RGS7: variants seen among roughly 807,000 people sequenced by gnomAD.
RGS7 encodes the protein regulator of G protein signaling 7, also known as regulator of G-protein signaling 7.
A neutral mutation model predicts 81.1 loss-of-function variants in RGS7; 27 were observed. That is an observed-to-expected ratio of 0.33 (90% CI 0.25 to 0.46). The LOEUF is 0.46. Ranked by LOEUF, RGS7 falls within the 20% of genes least tolerant of loss-of-function variation. The pLI is 1.00. For missense variants in RGS7, 396 were observed against 607.4 expected (o/e 0.65, Z 3.66); for synonymous variants, 208 against 207.7 (o/e 1.00, Z -0.01).
At chr1:240,953,875 A>G (rs1679941549) in intron 4 of RGS7, among the ~76,000 whole-genome samples, 1 of 152,060 alleles carries the variant, frequency 6.6e-6, no homozygotes, top group African/African-American at 2.4e-5. Context: ...CCGTGTGAAA[A>G]AGAAAGAAGA....
intron 5 of RGS7, among the ~76,000 whole-genome samples, chr1:240,931,904 A>G (rs1675504244): frequency 6.6e-6 from 1 of 152,184 alleles, no homozygotes; most frequent in Non-Finnish European, 1.5e-5. Context: ...AAGAAACCTG[A>G]TGATCACCTG....
intron 2 of RGS7, among the ~76,000 whole-genome samples, chr1:241,165,671 C>A (rs1199861872): frequency 6.6e-6 from 1 of 151,044 alleles, no homozygotes; most frequent in Non-Finnish European, 1.5e-5. Flanking sequence ...GGGAGATATA[C>A]CTAATGCTAG....
chr1:240,838,791 G>C (rs894167766), intron 9 of RGS7, among the ~76,000 whole-genome samples: 1 of 150,770 alleles, frequency 6.6e-6, no homozygotes, highest in East Asian at 1.9e-4. Context: ...TTTTGAGACA[G>C]AGTCTTGCTC....
intron 4 of RGS7, among the ~76,000 whole-genome samples, chr1:240,949,562 G>T (rs1335683536): frequency 6.6e-6 from 1 of 152,000 alleles, no homozygotes; most frequent in East Asian, 1.9e-4. Flanking sequence ...AAAAGCCAAG[G>T]ATGGGCCGGG....
intron 3 of RGS7, among the ~76,000 whole-genome samples, chr1:241,080,390 A>G (rs1452460211): frequency 6.6e-6 from 1 of 152,166 alleles, no homozygotes; most frequent in African/African-American, 2.4e-5. Context: ...AATTCAAAAA[A>G]TACCCTTTGG....
chr1:241,159,214 A>G (rs1239969265), intron 2 of RGS7, among the ~76,000 whole-genome samples: 1 of 152,210 alleles, frequency 6.6e-6, no homozygotes, highest in Non-Finnish European at 1.5e-5. Flanking sequence ...CTGGCTTACA[A>G]GCCTTTCAGA....
intron 6 of RGS7, chr1:240,920,244 T>A: frequency 8.1e-7 from 1 of 1,241,288 alleles, no homozygotes; most frequent in Admixed American, 1.7e-5. Flanking sequence ...TCGAAGTGGT[T>A]CTGGAAACTT....
chr1:241,092,490 C>G (rs920197475), intron 3 of RGS7, among the ~76,000 whole-genome samples: 12 of 152,026 alleles, frequency 7.9e-5, no homozygotes, highest in Non-Finnish European at 1.6e-4. Context: ...AGCTATCATG[C>G]AAGAATAAGA....
chr1:240,810,782 T>C (rs1008226784), intron 14 of RGS7, among the ~76,000 whole-genome samples: 26 of 152,176 alleles, frequency 1.7e-4, no homozygotes, highest in Non-Finnish European at 3.7e-4. Flanking sequence ...TTATTGACAA[T>C]GTGACCTAAT....
chr1:241,177,071 A>C (rs1006270208), intron 2 of RGS7, among the ~76,000 whole-genome samples: 4 of 152,218 alleles, frequency 2.6e-5, no homozygotes, highest in Non-Finnish European at 5.9e-5. Context: ...AGAACCATGA[A>C]CAATATGAAC....
chr1:240,949,239 A>C (rs1679153278), intron 4 of RGS7, among the ~76,000 whole-genome samples: 1 of 152,134 alleles, frequency 6.6e-6, no homozygotes, highest in African/African-American at 2.4e-5. Flanking sequence ...TATCTTATGT[A>C]ATTAATTAAT....
chr1:241,160,529 G>A (rs1038674723), intron 2 of RGS7, among the ~76,000 whole-genome samples: 8 of 151,626 alleles, frequency 5.3e-5, no homozygotes, highest in East Asian at 1.9e-4. Flanking sequence ...TCCCCTGAAC[G>A]GTGTGTGGAA....
intron 3 of RGS7, among the ~76,000 whole-genome samples, chr1:241,023,667 C>G (rs545713118): frequency 6.6e-6 from 1 of 152,290 alleles, no homozygotes; most frequent in South Asian, 2.1e-4. Flanking sequence ...AATGCAATAG[C>G]CTTAAATAAC....
chr1:240,800,707 A>C lies in RGS7; in HGVS notation c.1428T>G (p.Pro476=). The C allele has an allele frequency of 6.5e-7, 1 of 1,545,394 alleles. No individual in the cohort carries two copies. Among genetic ancestry groups the C allele is most frequent in the Non-Finnish European group, 8.8e-7 (1 of 1,142,648 alleles). The change falls in exon 18 of 19, where the codon CCT becomes CCG. Residue 476 remains proline, a synonymous_variant. Coordinates refer to ENST00000440928, the MANE Select transcript of RGS7 (RefSeq NM_001364886.1). ...KFAQNVGRNI[P]IFPCHKNCTP... Reference sequence around the variant, plus strand: ...TACAGTTTTTATGGCATGGGAAAATAGGGATGTTTCTGCCCTATAAAAATA... The same window carrying C: ...TACAGTTTTTATGGCATGGGAAAATCGGGATGTTTCTGCCCTATAAAAATA...
At position 240,893,605 on chromosome 1, in the gene RGS7, A is replaced by G. The variant is rs1006017598; in HGVS notation, c.386-23486T>C. On this transcript the variant is annotated intron_variant, in intron 6 of 18. Coordinates refer to ENST00000440928, the MANE Select transcript of RGS7 (RefSeq NM_001364886.1). ...TCATGATGCTTAGAAAGACTGCATT[A>G]AAAAAAAACAAAACTCCAAAACTTG... Among the ~76,000 whole-genome samples the G allele has an allele frequency of 9.0e-4, 103 of 114,292 alleles. 1 individual carries two copies. Among genetic ancestry groups the G allele is most frequent in the African/African-American group, 3.1e-3 (99 of 32,142 alleles). The allele number at this position is 114,292 out of a possible 152,430, so 75.0% of individuals were successfully genotyped here. A position where few individuals can be genotyped will look rare whatever the true frequency, so the allele number is the denominator to read the frequency against.
At chr1:241,339,277 C>T (rs1006981205) in intron 2 of RGS7, among the ~76,000 whole-genome samples, 1 of 152,216 alleles carries the variant, frequency 6.6e-6, no homozygotes, top group African/African-American at 2.4e-5. Flanking sequence ...CTTTCTTTAT[C>T]CAGTCTATCA....
intron 2 of RGS7, among the ~76,000 whole-genome samples, chr1:241,310,409 CTG>C (rs776985710): frequency 4.8e-5 from 7 of 146,830 alleles, no homozygotes; most frequent in African/African-American, 1.5e-4. Context: ...GTTTGTGTGT[CTG>C]TGTGTGTGAG....
intron 2 of RGS7, among the ~76,000 whole-genome samples, chr1:241,267,186 A>T (rs1233514395): frequency 1.3e-5 from 2 of 152,134 alleles, no homozygotes; most frequent in Non-Finnish European, 2.9e-5. Flanking sequence ...CGTCTTCCTC[A>T]AAAAAGGATG....
chr1:241,122,272 C>T (rs950279010), intron 2 of RGS7, among the ~76,000 whole-genome samples: 1 of 152,128 alleles, frequency 6.6e-6, no homozygotes, highest in Non-Finnish European at 1.5e-5. Context: ...CGTTACTCTC[C>T]CCAATCTGGA....
Sources: allele counts gnomAD v4.1 joint callset (sites outside exome capture counted in the v4.1 genomes callset), GRCh38; gene constraint gnomAD v4.1.1; transcripts MANE v1.5; gene names NCBI Gene and HGNC (gene_info 2026-07-23, HGNC 2026-07-21).